GRID1: variants seen among roughly 807,000 people sequenced by gnomAD.
GRID1 encodes the protein glutamate receptor ionotropic, delta-1.
GRID1 carries 28 observed loss-of-function variants against 98.0 expected under a neutral mutation model. That is an observed-to-expected ratio of 0.29 (90% CI 0.21 to 0.39). The LOEUF is 0.39. Ranked by LOEUF, GRID1 falls within the 10% of genes least tolerant of loss-of-function variation. GRID1 has a pLI of 1.00. For synonymous variants in GRID1, 553 were observed against 538.5 expected (o/e 1.03, Z -0.37); for missense variants, 1,111 against 1,340.5 (o/e 0.83, Z 2.67).
At chr10:85,608,035 T>C (rs1842692727) in intron 15 of GRID1, among the ~76,000 whole-genome samples, 1 of 151,820 alleles carries the variant, frequency 6.6e-6, no homozygotes, top group Non-Finnish European at 1.5e-5. Flanking sequence ...CCCAAGCTGG[T>C]CTCCAACTCC....
intron 4 of GRID1, among the ~76,000 whole-genome samples, chr10:85,978,897 C>T (rs1842508146): frequency 6.6e-6 from 1 of 152,148 alleles, no homozygotes; most frequent in Non-Finnish European, 1.5e-5. Flanking sequence ...GACAATGGTT[C>T]CATTTTATAT....
chr10:85,894,977 C>A (rs7893881), intron 5 of GRID1, among the ~76,000 whole-genome samples: 11,122 of 140,872 alleles, frequency 0.079, 490 homozygotes, highest in Middle Eastern at 0.15. Context: ...CACTGCACCA[C>A]AGCCTTCAAC....
intron 2 of GRID1, among the ~76,000 whole-genome samples, chr10:86,305,927 C>G (rs956778443): frequency 6.6e-6 from 1 of 152,212 alleles, no homozygotes; most frequent in African/African-American, 2.4e-5. Flanking sequence ...TTCTGAAGAC[C>G]TTGATACAAG....
chr10:85,691,689 G>A (rs1214315931), intron 12 of GRID1, among the ~76,000 whole-genome samples: 1 of 152,148 alleles, frequency 6.6e-6, no homozygotes, highest in Non-Finnish European at 1.5e-5. Flanking sequence ...CAATAAGACA[G>A]TTTCTCTTTC....
chr10:86,060,940 C>G (rs1299960920), intron 4 of GRID1, among the ~76,000 whole-genome samples: 5 of 152,152 alleles, frequency 3.3e-5, no homozygotes, highest in Admixed American at 3.3e-4. Context: ...TCAGTTGACT[C>G]TACAATGCGC....
At chr10:86,348,165 T>G (rs1848414030) in intron 2 of GRID1, among the ~76,000 whole-genome samples, 1 of 152,100 alleles carries the variant, frequency 6.6e-6, no homozygotes, top group Admixed American at 6.5e-5. Context: ...TTGTCAGAGG[T>G]CCAGTCAGGC....
chr10:86,046,137 A>C (rs988370849), intron 4 of GRID1, among the ~76,000 whole-genome samples: 1 of 152,148 alleles, frequency 6.6e-6, no homozygotes, highest in African/African-American at 2.4e-5. Context: ...AACACCCAGG[A>C]GTTATTGCCC....
Position 85,855,919 on chromosome 10 carries a change from G to A in GRID1, c.1113+110C>T, listed in dbSNP as rs184628043. ...AGAGAGGAATGGGGAGGGGCCTACT[G>A]GGGCAGCCACACAGAGCCTAGCTTC... On this transcript the variant is annotated intron_variant, in intron 7 of 15. Coordinates refer to ENST00000327946, the MANE Select transcript of GRID1 (RefSeq NM_017551.3). 422 of 911,002 alleles carry A rather than the reference G, an allele frequency of 4.6e-4. 3 individuals are homozygous for A. In the African/African-American group the frequency reaches 6.1e-3, roughly 13 times the overall value. 56.4% of individuals were successfully genotyped at this position (911,002 alleles called of 1,614,324 possible). A position where few individuals can be genotyped will look rare whatever the true frequency, so the allele number is the denominator to read the frequency against.
intron 5 of GRID1, among the ~76,000 whole-genome samples, chr10:85,913,587 C>G (rs1285348048): frequency 6.6e-6 from 1 of 152,030 alleles, no homozygotes; most frequent in Admixed American, 6.5e-5. Context: ...GTCGGGAGTT[C>G]GAGGCCAGCC....
chr10:85,980,881 G>C (rs1842536449), intron 4 of GRID1, among the ~76,000 whole-genome samples: 1 of 152,198 alleles, frequency 6.6e-6, no homozygotes, highest in Non-Finnish European at 1.5e-5. Flanking sequence ...TAATACATGA[G>C]AACAATGAAG....
intron 8 of GRID1, among the ~76,000 whole-genome samples, chr10:85,735,700 G>A (rs748006836): frequency 3.9e-5 from 6 of 152,014 alleles, no homozygotes; most frequent in Non-Finnish European, 1.5e-5. Context: ...GAATAGAAAC[G>A]GGTGGCAATC....
At chr10:86,207,897 T>C (rs1345109649) in intron 2 of GRID1, among the ~76,000 whole-genome samples, 1 of 152,190 alleles carries the variant, frequency 6.6e-6, no homozygotes, top group African/African-American at 2.4e-5. Flanking sequence ...CCCAAAGTGC[T>C]GGGATTACAG....
At chr10:85,873,925 G>A (rs1006917575) in intron 5 of GRID1, among the ~76,000 whole-genome samples, 3 of 152,206 alleles carry the variant, frequency 2.0e-5, no homozygotes, top group Non-Finnish European at 4.4e-5. Flanking sequence ...TTAAGCATTA[G>A]TGATTGATTC....
At chr10:86,041,780 T>C (rs1472586626) in intron 4 of GRID1, among the ~76,000 whole-genome samples, 1 of 152,186 alleles carries the variant, frequency 6.6e-6, no homozygotes, top group Non-Finnish European at 1.5e-5. Context: ...ACCCCAAGAT[T>C]ATCAGCTTTG....
intron 8 of GRID1, among the ~76,000 whole-genome samples, chr10:85,820,013 G>A (rs971589292): frequency 1.6e-5 from 2 of 123,946 alleles, no homozygotes; most frequent in Non-Finnish European, 3.2e-5. Flanking sequence ...AAGGAAGGAA[G>A]GAAGGAAGGA....
At chr10:85,664,332 G>T (rs967865309) in intron 12 of GRID1, among the ~76,000 whole-genome samples, 6 of 152,098 alleles carry the variant, frequency 3.9e-5, no homozygotes, top group African/African-American at 1.2e-4. Flanking sequence ...TATGAGATAG[G>T]TGACTTGTCT....
intron 2 of GRID1, among the ~76,000 whole-genome samples, chr10:86,262,102 G>A (rs557962828): frequency 6.6e-6 from 1 of 152,244 alleles, no homozygotes; most frequent in Non-Finnish European, 1.5e-5. Context: ...CCCAAAGCCT[G>A]CGCTCTTTAC....
chr10:85,740,204 C>A (rs77395746), intron 8 of GRID1, among the ~76,000 whole-genome samples: 2 of 152,234 alleles, frequency 1.3e-5, no homozygotes, highest in East Asian at 3.9e-4. Flanking sequence ...TCTGTTTCTT[C>A]CACAGATGAG....
chr10:85,663,695 C>T (rs1451051295), intron 12 of GRID1, among the ~76,000 whole-genome samples: 1 of 152,202 alleles, frequency 6.6e-6, no homozygotes, highest in Non-Finnish European at 1.5e-5. Flanking sequence ...TGCTTTCTCA[C>T]CCACTTTTTA....
Sources: allele counts gnomAD v4.1 joint callset (sites outside exome capture counted in the v4.1 genomes callset), GRCh38; gene constraint gnomAD v4.1.1; transcripts MANE v1.5; gene names NCBI Gene and HGNC (gene_info 2026-07-23, HGNC 2026-07-21).